The following UBE2O variants were observed in gnomAD, a reference collection of about 807,000 sequenced individuals.
The protein encoded by UBE2O is ubiquitin conjugating enzyme E2 O, also known as (E3-independent) E2 ubiquitin-conjugating enzyme.
A neutral mutation model predicts 125.8 loss-of-function variants in UBE2O; 15 were observed. The ratio of observed to expected loss-of-function variants is 0.12; its 90% CI spans 0.08 to 0.18. The LOEUF (loss-of-function observed/expected upper bound fraction) is 0.18, where lower values mean the gene tolerates loss of function less well. Ranked by LOEUF, UBE2O falls within the 10% of genes least tolerant of loss-of-function variation. UBE2O has a pLI of 1.00. For missense variants in UBE2O, 1,280 were observed against 1,723.6 expected (o/e 0.74, Z 4.56); for synonymous variants, 708 against 703.2 (o/e 1.01, Z -0.11).
chr17:76,403,127 G>C (rs139476705), intron 3 of UBE2O, among the ~76,000 whole-genome samples: 21 of 152,108 alleles, frequency 1.4e-4, no homozygotes, highest in African/African-American at 4.8e-4. Flanking sequence ...CAAGGATATC[G>C]AGAGCCAAGT....
chr17:76,393,940 TC>T (rs2072159861), intron 15 of UBE2O, among the ~76,000 whole-genome samples: 1 of 152,214 alleles, frequency 6.6e-6, no homozygotes, highest in Non-Finnish European at 1.5e-5. Context: ...GCACTACTTT[TC>T]TTCTCCTGAG....
At position 76,400,929 on chromosome 17, in the gene UBE2O, A is replaced by G; in HGVS notation, c.894+82T>C. On this transcript the variant is annotated intron_variant, in intron 6 of 17. Transcript: ENST00000319380. This position sits in a 1 kb window ranked among gnomAD's most constrained non-coding sequence, Gnocchi z 4.3. Reference sequence around the variant, plus strand: ...TGAGGAGCGGGGCTCAACCCTCAAGAGCAGGAAGGAAAGGGGCAGCAGCTC... The same window carrying G: ...TGAGGAGCGGGGCTCAACCCTCAAGGGCAGGAAGGAAAGGGGCAGCAGCTC... 1 of 1,537,268 alleles carries G rather than the reference A, an allele frequency of 6.5e-7. No homozygotes were observed. Among genetic ancestry groups the G allele is most frequent in the Non-Finnish European group, 8.9e-7 (1 of 1,127,950 alleles).
chr17:76,406,673 G>A (rs571199087), intron 1 of UBE2O, among the ~76,000 whole-genome samples: 4 of 145,920 alleles, frequency 2.7e-5, no homozygotes, highest in Non-Finnish European at 4.5e-5. Context: ...AGTCCCATGG[G>A]AACTCATGAG....
In UBE2O at chr17:76,398,966, T is replaced by A; in HGVS notation, c.1654A>T (p.Met552Leu). 1 of 1,614,010 alleles carries A rather than the reference T, an allele frequency of 6.2e-7. No homozygotes were observed. The highest frequency in any genetic ancestry group is 8.5e-7 in the Non-Finnish European group (1 of 1,179,996). Residue 552 changes from methionine to leucine, a missense_variant, in exon 10 of 18, where the codon ATG becomes TTG. By Grantham distance (15) the Met-to-Leu change is conservative. This residue lies in a region of UBE2O where 145 missense variants were observed against 219.6 expected (regional missense o/e 0.66). Transcript: ENST00000319380. This position sits in a 1 kb window ranked among gnomAD's most constrained non-coding sequence, Gnocchi z 5.4. ...TGCCACATCACGTCGGCTGAGGTCATCGTGGTCACCACCTCCACTGCCACC... is the reference window on the plus strand; with the variant it reads ...TGCCACATCACGTCGGCTGAGGTCAACGTGGTCACCACCTCCACTGCCACC... ...DRVAVEVVTTMTSADVMWQDG... is the reference protein window; with the variant it reads ...DRVAVEVVTTLTSADVMWQDG...
intron 1 of UBE2O, among the ~76,000 whole-genome samples, chr17:76,415,663 G>C (rs1310743015): frequency 6.6e-6 from 1 of 152,068 alleles, no homozygotes; most frequent in Non-Finnish European, 1.5e-5. Context: ...AAATCAGCTG[G>C]GTGTGGTGGT....
chr17:76,424,207 CTT>C (rs569775028), intron 1 of UBE2O, among the ~76,000 whole-genome samples: 12 of 105,306 alleles, frequency 1.1e-4, no homozygotes, highest in South Asian at 3.5e-4. Flanking sequence ...CGCGCCCGGC[CTT>C]TTTTTTTTTT....
chr17:76,403,073 G>A (rs1229680790), intron 3 of UBE2O, among the ~76,000 whole-genome samples: 2 of 152,150 alleles, frequency 1.3e-5, no homozygotes, highest in Admixed American at 1.3e-4. Flanking sequence ...CACCACTGGG[G>A]GGTGGCTACA....
chr17:76,429,060 C>T (rs555454438), intron 1 of UBE2O, among the ~76,000 whole-genome samples: 4 of 151,920 alleles, frequency 2.6e-5, no homozygotes, highest in Admixed American at 6.5e-5. Flanking sequence ...TGCCACCATG[C>T]CCGGCTAATT....
chr17:76,397,186 C>A (rs2072225799), intron 13 of UBE2O, among the ~76,000 whole-genome samples: 1 of 152,230 alleles, frequency 6.6e-6, no homozygotes, highest in African/African-American at 2.4e-5. Context: ...CCAAGGAGGC[C>A]TGTGTGGGGA....
intron 1 of UBE2O, among the ~76,000 whole-genome samples, chr17:76,433,618 T>A (rs931744973): frequency 2.3e-5 from 3 of 132,150 alleles, no homozygotes; most frequent in Admixed American, 7.6e-5. Flanking sequence ...TTTTTTTTTT[T>A]AAGAGATGGG....
At chr17:76,415,903 A>T (rs939751594) in intron 1 of UBE2O, among the ~76,000 whole-genome samples, 3 of 151,992 alleles carry the variant, frequency 2.0e-5, no homozygotes, top group African/African-American at 7.3e-5. Flanking sequence ...ACGTATATAC[A>T]AATATATACA....
intron 1 of UBE2O, among the ~76,000 whole-genome samples, chr17:76,416,210 ATATG>A (rs1160847669): frequency 6.6e-6 from 1 of 151,766 alleles, no homozygotes; most frequent in Non-Finnish European, 1.5e-5. Context: ...ATGTGTGTGT[ATATG>A]TATGTATATG....
At chr17:76,416,067 A>G (rs979779493) in intron 1 of UBE2O, among the ~76,000 whole-genome samples, 3 of 151,786 alleles carry the variant, frequency 2.0e-5, no homozygotes, top group Non-Finnish European at 2.9e-5. Context: ...ACACGTATAT[A>G]CGTATGTGTA....
At chr17:76,428,127 G>A (rs764425464) in intron 1 of UBE2O, among the ~76,000 whole-genome samples, 1 of 152,210 alleles carries the variant, frequency 6.6e-6, no homozygotes, top group Non-Finnish European at 1.5e-5. Context: ...CACTGAAACA[G>A]GAAATCCACC....
chr17:76,432,640 G>A (rs1436690175), intron 1 of UBE2O, among the ~76,000 whole-genome samples: 3 of 152,150 alleles, frequency 2.0e-5, no homozygotes, highest in African/African-American at 7.2e-5. Context: ...GGCTAGCACA[G>A]ATCCCAATGA....
chr17:76,402,169 A>G lies in UBE2O; in HGVS notation c.687-42T>C, dbSNP rs2072337967. ...AGGTTTGGTCTCCACCAGGGGACAC[A>G]GTGAGTACCAAAAAGTTGCGATTCT... On this transcript the variant is annotated intron_variant, in intron 4 of 17. Coordinates refer to ENST00000319380, the MANE Select transcript of UBE2O (RefSeq NM_022066.4). The surrounding 1 kb of genome is among the most constrained non-coding windows in gnomAD (Gnocchi z 5.4). The G allele has an allele frequency of 1.3e-6, 2 of 1,598,386 alleles. No individual in the cohort carries two copies. Among genetic ancestry groups the G allele is most frequent in the Non-Finnish European group, 1.7e-6 (2 of 1,170,974 alleles).
chr17:76,390,591 C>T lies in UBE2O; in HGVS notation c.*352G>A, dbSNP rs558871560. 169 of 219,752 alleles carry T rather than the reference C, an allele frequency of 7.7e-4. 1 individual carries two copies. Among genetic ancestry groups the T allele is most frequent in the Non-Finnish European group, 9.7e-4 (107 of 110,824 alleles). The allele number at this position is 219,752 out of a possible 1,614,324, so 13.6% of individuals were successfully genotyped here. A position where few individuals can be genotyped will look rare whatever the true frequency, so the allele number is the denominator to read the frequency against. On this transcript the variant is annotated 3_prime_UTR_variant, in exon 18 of 18. Transcript: ENST00000319380. ...GCTCTCCTGCGGGTCTGCAGGGAAC[C>T]GGCCCAGAGAGCCCCGCGGCAGGCC...
Position 76,396,189 on chromosome 17 carries a change from C to T in UBE2O, c.2748G>A (p.Lys916=). 6.2e-7 allele frequency: 1 copy of T among 1,614,008 alleles called. No homozygotes were observed. The highest frequency in any genetic ancestry group is 8.5e-7 in the Non-Finnish European group (1 of 1,179,938). The change falls in exon 14 of 18, where the codon AAG becomes AAA. Residue 916 remains lysine (K), a synonymous_variant. Transcript: ENST00000319380. The surrounding 1 kb of genome is among the most constrained non-coding windows in gnomAD (Gnocchi z 6.7). The part of the protein sequence containing the change: ...TPVLCQQCGG[K]PGVTFTSAKG... ...TGGCGCTGGTGAAGGTGACGCCAGG[C>T]TTGCCGCCACACTGCTGGCACAGCA...
chr17:76,407,335 C>G (rs139694108), intron 1 of UBE2O, among the ~76,000 whole-genome samples: 125 of 152,348 alleles, frequency 8.2e-4, no homozygotes, highest in African/African-American at 2.8e-3. Flanking sequence ...TTTTCTAAAT[C>G]AAAGAATATT....
Sources: gnomAD v4.1 joint callset for allele counts (sites outside exome capture counted in the v4.1 genomes callset) on GRCh38, gnomAD v4.1.1 for gene constraint, gnomAD v4.1.1 regional missense constraint, Gnocchi (gnomAD v3.1) non-coding constraint, MANE v1.5 for transcripts, NCBI Gene and HGNC (gene_info 2026-07-23, HGNC 2026-07-21) for gene names.